PLCE1: variants seen among roughly 807,000 people sequenced by gnomAD.
PLCE1 encodes phospholipase C epsilon 1.
PLCE1 carries 119 observed loss-of-function variants against 242.8 expected under a neutral mutation model. The ratio of observed to expected loss-of-function variants is 0.49; its 90% CI spans 0.42 to 0.57. The LOEUF is 0.57. PLCE1 is among the 20% of genes least tolerant of loss of function. The probability of loss-of-function intolerance (pLI) is 0.00; values close to 1 mark genes in which losing one functional copy is unlikely to be tolerated. For synonymous variants in PLCE1, 945 were observed against 1,017.4 expected (o/e 0.93, Z 1.35); for missense variants, 2,441 against 2,788.8 (o/e 0.88, Z 2.81).
chr10:94,156,831 G>A (rs2047447776), intron 3 of PLCE1, among the ~76,000 whole-genome samples: 1 of 152,026 alleles, frequency 6.6e-6, no homozygotes, highest in South Asian at 2.1e-4. Context: ...CTATCACTAG[G>A]AAACTCCAAG....
At chr10:94,051,286 CAAAAAAAAAA>C (rs869233995) in intron 2 of PLCE1, among the ~76,000 whole-genome samples, 6 of 29,356 alleles carry the variant, frequency 2.0e-4, no homozygotes, top group Admixed American at 5.5e-4. Flanking sequence ...GACTCCAACT[CAAAAAAAAAA>C]AAAAAAAAAA....
intron 28 of PLCE1, among the ~76,000 whole-genome samples, chr10:94,316,320 A>G (rs1226239426): frequency 1.3e-5 from 2 of 152,210 alleles, no homozygotes; most frequent in Non-Finnish European, 2.9e-5. Context: ...GGGAAAAAAT[A>G]GTTATGCTGT....
chr10:94,234,116 G>T lies in PLCE1; in HGVS notation c.2018G>T (p.Ser673Ile), dbSNP rs773350820. 1 of 1,613,976 alleles carries T rather than the reference G, an allele frequency of 6.2e-7. No individual in the cohort carries two copies. Reference protein sequence around the residue: ...MDQSDIETMRSLKDAMAQHES... With the variant: ...MDQSDIETMRILKDAMAQHES... ...CAGTCTGATATTGAGACCATGAGGA[G>T]CCTGAAGGATGCTATGGCCCAGCAT... Residue 673 changes from serine (S) to isoleucine (I), a missense_variant, in exon 6 of 33, where the codon AGC (serine) becomes ATC (isoleucine). This residue lies in a region of PLCE1 where 733 missense variants were observed against 754.2 expected (regional missense o/e 0.97). Coordinates refer to ENST00000371380, the MANE Select transcript of PLCE1 (RefSeq NM_016341.4).
intron 5 of PLCE1, 141 bp from the exon 6 acceptor site, chr10:94,233,913 A>T: frequency 1.4e-6 from 1 of 729,068 alleles, no homozygotes; most frequent in Non-Finnish European, 2.3e-6. Flanking sequence ...GCACCACTGC[A>T]CTCCAGCCTG....
chr10:94,325,712 G>A (rs910210417), intron 32 of PLCE1: 1 of 151,754 alleles, frequency 6.6e-6, no homozygotes, highest in Non-Finnish European at 1.5e-5. Context: ...CAATCAACTT[G>A]CCCAAAGTAC....
Position 94,329,800 on chromosome 10 carries a change from A to C in PLCE1, c.*1857A>C, listed in dbSNP as rs940016577. On this transcript the variant is annotated 3_prime_UTR_variant, in exon 33 of 33. Transcript: ENST00000371380. Reference sequence around the variant, plus strand: ...TCAAAAAAAAAAAAAAAAAAAAAAAAAAAAAAAAAAACACCATACAGCTTT... The same window carrying C: ...TCAAAAAAAAAAAAAAAAAAAAAAACAAAAAAAAAAACACCATACAGCTTT... The C allele has an allele frequency of 1.2e-4, 18 of 149,910 alleles. No homozygotes were observed. The highest frequency in any genetic ancestry group is 7.8e-4 in the East Asian group (4 of 5,152). 9.3% of individuals were successfully genotyped at this position (149,910 alleles called of 1,614,324 possible).
At chr10:94,250,576 A>G (rs981286763) in intron 8 of PLCE1, among the ~76,000 whole-genome samples, 15 of 152,246 alleles carry the variant, frequency 9.9e-5, no homozygotes, top group African/African-American at 3.6e-4. Flanking sequence ...AAAACAAAAG[A>G]AAGATTAAAA....
chr10:94,259,158 GAA>G lies in PLCE1; in HGVS notation c.3814+9_3814+10del, dbSNP rs1486080254. 1.2e-6 allele frequency: 2 copies of G among 1,613,804 alleles called. No individual in the cohort carries two copies. The highest frequency in any genetic ancestry group is 2.7e-5 in the African/African-American group (2 of 74,884). On this transcript the variant is annotated intron_variant, in intron 13 of 32. Coordinates refer to ENST00000371380, the MANE Select transcript of PLCE1 (RefSeq NM_016341.4). The stretch of plus-strand genomic sequence containing the variant: ...ATCTTCAGCCTGACCTAGGTTTGTT[GAA>G]CATTTTAGGATTTCCCTTTGGGATC...
chr10:94,090,971 A>G (rs1028080494), intron 2 of PLCE1, among the ~76,000 whole-genome samples: 9 of 152,238 alleles, frequency 5.9e-5, no homozygotes, highest in African/African-American at 2.2e-4. Flanking sequence ...TGCTGTGTCC[A>G]TTCTATTTTA....
At chr10:94,111,290 G>A (rs759948296) in intron 2 of PLCE1, among the ~76,000 whole-genome samples, 47 of 152,176 alleles carry the variant, frequency 3.1e-4, no homozygotes, top group Non-Finnish European at 5.3e-4. Context: ...AGCCCCTTGC[G>A]GGCAGAGGTG....
intron 25 of PLCE1, 46 bp downstream of exon 25, chr10:94,304,691 T>A (rs1222629733): frequency 6.3e-7 from 1 of 1,592,860 alleles, no homozygotes; most frequent in Admixed American, 1.7e-5. Flanking sequence ...GGTTTAAGCC[T>A]TCCTGAAAAC....
intron 2 of PLCE1, chr10:94,104,268 G>A (rs1294832972): frequency 6.6e-6 from 1 of 152,256 alleles, no homozygotes; most frequent in Non-Finnish European, 1.5e-5. Flanking sequence ...AGGCAGAAAG[G>A]AGCTAATTAA....
In PLCE1 at chr10:94,063,669, T is replaced by C. The variant is rs571146440; in HGVS notation, c.1206+31417T>C. Among the ~76,000 whole-genome samples the C allele has an allele frequency of 3.7e-4, 56 of 152,314 alleles. 3 individuals carry two copies. The South Asian group carries it at 0.011, about 31-fold the overall frequency. ...TGGCAAACACGATGTGGTTCTTCTC[T>C]TGGAGCATGCCATTTAGTGAGGGGA... On this transcript the variant is annotated intron_variant, in intron 2 of 32. Coordinates refer to ENST00000371380, the MANE Select transcript of PLCE1 (RefSeq NM_016341.4).
At chr10:94,040,897 T>A (rs931002708) in intron 2 of PLCE1, among the ~76,000 whole-genome samples, 1 of 152,232 alleles carries the variant, frequency 6.6e-6, no homozygotes, top group Non-Finnish European at 1.5e-5. Context: ...TGCTCATTAA[T>A]AAGGGTTAGG....
chr10:94,218,345 G>T (rs956617124), intron 4 of PLCE1, among the ~76,000 whole-genome samples: 1 of 152,068 alleles, frequency 6.6e-6, no homozygotes, highest in Non-Finnish European at 1.5e-5. Flanking sequence ...GGTAAGTTAG[G>T]TAAAGCCCAG....
At chr10:94,073,051 ACCCCAGGGCACAC>A (rs1280252547) in intron 2 of PLCE1, among the ~76,000 whole-genome samples, 1 of 151,074 alleles carries the variant, frequency 6.6e-6, no homozygotes, top group Admixed American at 6.6e-5. Flanking sequence ...CCCACTTCCT[ACCCCAGGGCACAC>A]CAGTTATCCT....
rs56088035 is a variant in PLCE1, at chr10:94,166,579, G to GGTGTGT, written c.1493-4572_1493-4567dup. The stretch of plus-strand genomic sequence containing the variant: ...CATTCTCTACCCAGAAGAGAAAAAA[G>GGTGTGT]GTGTGTGTGTGTGTGTGTGTGTGTG... On this transcript the variant is annotated intron_variant, in intron 3 of 32. Transcript: ENST00000371380. Among the ~76,000 whole-genome samples, 703 of 145,954 alleles carry GGTGTGT rather than the reference G, an allele frequency of 4.8e-3. 6 individuals carry two copies. Among genetic ancestry groups the GGTGTGT allele is most frequent in the African/African-American group, 0.016 (645 of 39,110 alleles).
chr10:94,114,390 A>T (rs1209542338), intron 2 of PLCE1, among the ~76,000 whole-genome samples: 1 of 152,168 alleles, frequency 6.6e-6, no homozygotes, highest in East Asian at 1.9e-4. Context: ...TCCACCCAGG[A>T]TCTCAGGCTA....
chr10:94,170,050 C>A (rs2047925390), intron 3 of PLCE1, among the ~76,000 whole-genome samples: 1 of 152,138 alleles, frequency 6.6e-6, no homozygotes, highest in South Asian at 2.1e-4. Context: ...AGACATGAAG[C>A]AGTTTGGAGT....
Sources: gnomAD v4.1 joint callset for allele counts (sites outside exome capture counted in the v4.1 genomes callset) on GRCh38, gnomAD v4.1.1 for gene constraint, gnomAD v4.1.1 regional missense constraint, MANE v1.5 for transcripts, NCBI Gene and HGNC (gene_info 2026-07-23, HGNC 2026-07-21) for gene names.